BIRC6: variants seen among roughly 807,000 people sequenced by gnomAD.
BIRC6 encodes baculoviral IAP repeat containing 6, also known as dual E2 ubiquitin-conjugating enzyme/E3 ubiquitin-protein ligase BIRC6.
BIRC6 carries 98 observed loss-of-function variants against 503.3 expected under a neutral mutation model. The ratio of observed to expected loss-of-function variants is 0.19; its 90% confidence interval spans 0.17 to 0.23. BIRC6 has a LOEUF of 0.23. Among genes scored for constraint, BIRC6 ranks in the 10% least tolerant of loss-of-function variants. The probability of loss-of-function intolerance (pLI) is 1.00; values close to 1 mark genes in which losing one functional copy is unlikely to be tolerated. For synonymous variants in BIRC6, 2,240 were observed against 2,078.7 expected (o/e 1.08, Z -2.11); for missense variants, 5,360 against 5,806.0 (o/e 0.92, Z 2.50).
Position 32,515,559 on chromosome 2 carries a change from C to T in BIRC6, c.11138C>T (p.Thr3713Ile), listed in dbSNP as rs1331934736. The T allele has an allele frequency of 1.2e-6, 2 of 1,613,826 alleles. No individual in the cohort carries two copies. Among genetic ancestry groups the T allele is most frequent in the African/African-American group, 2.7e-5 (2 of 74,928 alleles). The change falls in exon 55 of 74, where the codon ACA (threonine) becomes ATA (isoleucine). Residue 3713 changes from threonine to isoleucine, a missense_variant. Thr to Ile is a moderately conservative substitution (Grantham distance 89). Coordinates refer to ENST00000421745, the MANE Select transcript of BIRC6 (RefSeq NM_016252.4). ...GGTTCTGAAGTCAATCCACTATGGACAGCACTTCTGTTTTTATTGTGTCAC... is the reference window on the plus strand; with the variant it reads ...GGTTCTGAAGTCAATCCACTATGGATAGCACTTCTGTTTTTATTGTGTCAC... ...LGGSEVNPLW[T>I]ALLFLLCHSG...
rs371276730 is a variant in BIRC6, at chr2:32,433,735, A to T, written c.3340A>T (p.Ile1114Phe). The T allele has an allele frequency of 6.2e-7, 1 of 1,603,426 alleles. No individual in the cohort carries two copies. Among genetic ancestry groups the T allele is most frequent in the Non-Finnish European group, 8.5e-7 (1 of 1,172,510 alleles). The change falls in exon 13 of 74, where the codon ATC (isoleucine) becomes TTC (phenylalanine). Residue 1114 changes from isoleucine to phenylalanine, a missense_variant. By Grantham distance (21) the Ile-to-Phe change is conservative (BLOSUM62 0). Around this residue, in one of 16 missense-constraint regions of BIRC6, gnomAD observed 2,299 missense variants for 2,267.2 expected, o/e 1.01. Transcript: ENST00000421745. The stretch of plus-strand genomic sequence containing the variant: ...CTTCAAATTCGTTTTGAACTCAAAC[A>T]TCACCAATATTCCACAGATACAAGT... Reference protein sequence around the residue: ...VDFKFVLNSNITNIPQIQVTL... With the variant: ...VDFKFVLNSNFTNIPQIQVTL...
chr2:32,457,476 G>A (rs1259831427), intron 23 of BIRC6, among the ~76,000 whole-genome samples: 2 of 151,582 alleles, frequency 1.3e-5, no homozygotes. Context: ...TTCTTGAACC[G>A]TTCTTTTAGT....
chr2:32,578,107 G>A (rs980021965), intron 66 of BIRC6, among the ~76,000 whole-genome samples: 2 of 152,100 alleles, frequency 1.3e-5, no homozygotes, highest in Admixed American at 6.6e-5. Context: ...TGCAGCCTCT[G>A]TTATAAGACG....
intron 3 of BIRC6, among the ~76,000 whole-genome samples, chr2:32,384,518 T>C (rs1443969530): frequency 6.6e-6 from 1 of 152,060 alleles, no homozygotes; most frequent in Non-Finnish European, 1.5e-5. Flanking sequence ...GGTAAATGCA[T>C]ACCTAGAATA....
At chr2:32,516,254 C>T (rs1247913258) in intron 55 of BIRC6, among the ~76,000 whole-genome samples, 2 of 152,134 alleles carry the variant, frequency 1.3e-5, no homozygotes. Context: ...TGGCTCATGC[C>T]TGTAATCCCA....
chr2:32,602,659 A>G (rs1314763579), intron 70 of BIRC6: 2 of 200,622 alleles, frequency 1.0e-5, no homozygotes, highest in African/African-American at 4.6e-5. Context: ...CACATTGTAT[A>G]CACATATTGA....
At chr2:32,492,681 A>G (rs955107143) in intron 44 of BIRC6, among the ~76,000 whole-genome samples, 2 of 152,126 alleles carry the variant, frequency 1.3e-5, no homozygotes, top group Non-Finnish European at 2.9e-5. Context: ...TTTTTGAATA[A>G]AAGAAAGGAG....
intron 65 of BIRC6, among the ~76,000 whole-genome samples, chr2:32,561,751 A>G (rs1314437489): frequency 1.2e-5 from 1 of 82,524 alleles, no homozygotes; most frequent in East Asian, 3.4e-4. Context: ...TTATTTATTT[A>G]TTTCTAGATT....
rs1182103617 is a variant in BIRC6, at chr2:32,397,673, TAC to T, written c.1034+2090_1034+2091del. Among the ~76,000 whole-genome samples, 288 of 132,974 alleles carry T rather than the reference TAC, an allele frequency of 2.2e-3. 1 individual carries two copies. Among genetic ancestry groups the T allele is most frequent in the African/African-American group, 7.0e-3 (252 of 36,184 alleles). The allele number at this position is 132,974 out of a possible 152,430, so 87.2% of individuals were successfully genotyped here. On this transcript the variant is annotated intron_variant, in intron 6 of 73. Transcript: ENST00000421745. ...ACACACATATATGTGTATATATATA[TAC>T]ACACACACATATATATGTACACACA... is the stretch of plus-strand genomic sequence containing the variant.
intron 1 of BIRC6, among the ~76,000 whole-genome samples, chr2:32,364,332 C>T (rs1332024706): frequency 2.0e-5 from 3 of 152,080 alleles, no homozygotes; most frequent in Non-Finnish European, 4.4e-5. Flanking sequence ...CTCTGCCTCC[C>T]GGGTTCAAGC....
At chr2:32,567,053 C>T (rs967481660) in intron 65 of BIRC6, among the ~76,000 whole-genome samples, 1 of 152,340 alleles carries the variant, frequency 6.6e-6, no homozygotes, top group Admixed American at 6.5e-5. Flanking sequence ...TCACTGCAAC[C>T]TCTGCCTCCA....
intron 63 of BIRC6, among the ~76,000 whole-genome samples, chr2:32,546,563 A>G (rs542634474): frequency 1.3e-5 from 2 of 152,214 alleles, no homozygotes; most frequent in East Asian, 3.9e-4. Context: ...CTGGGCGACA[A>G]GAGTGAAACT....
intron 69 of BIRC6, among the ~76,000 whole-genome samples, chr2:32,599,343 A>T (rs1573295284): frequency 6.9e-6 from 1 of 143,900 alleles, no homozygotes; most frequent in East Asian, 2.1e-4. Flanking sequence ...AAAAAAAAAA[A>T]GCTGTTCTTA....
At chr2:32,614,749 C>G (rs1013026983) in intron 73 of BIRC6, among the ~76,000 whole-genome samples, 4 of 152,100 alleles carry the variant, frequency 2.6e-5, no homozygotes. Flanking sequence ...GGAAAATCGC[C>G]TGAACCCGGG....
intron 1 of BIRC6, among the ~76,000 whole-genome samples, chr2:32,358,282 C>G (rs993039882): frequency 2.4e-4 from 36 of 152,182 alleles, no homozygotes; most frequent in African/African-American, 7.9e-4. Flanking sequence ...CCACAGCGAG[C>G]CGAAAATTAG....
intron 65 of BIRC6, among the ~76,000 whole-genome samples, chr2:32,573,922 C>A (rs2060084826): frequency 6.6e-6 from 1 of 151,996 alleles, no homozygotes; most frequent in Non-Finnish European, 1.5e-5. Context: ...TGTATTTAAT[C>A]ATTTCTATAT....
intron 1 of BIRC6, among the ~76,000 whole-genome samples, chr2:32,359,516 G>A (rs906138885): frequency 6.6e-6 from 1 of 152,132 alleles, no homozygotes; most frequent in African/African-American, 2.4e-5. Flanking sequence ...GCATTGATTT[G>A]GGATAACAGG....
At chr2:32,517,079 C>T (rs983409269) in intron 55 of BIRC6, among the ~76,000 whole-genome samples, 1 of 151,876 alleles carries the variant, frequency 6.6e-6, no homozygotes, top group Non-Finnish European at 1.5e-5. Flanking sequence ...ACCTATAATC[C>T]CAGCTCTTTG....
chr2:32,515,710 T>A lies in BIRC6; in HGVS notation c.11289T>A (p.Thr3763=). ...TQQRTAIENA[T]VAFFLQCISC... is the part of the protein sequence containing the mutation. ...AGCGCACAGCAATTGAGAATGCAAC[T>A]GTTGCGTTCTTTCTACAGTGCATTT... The change falls in exon 55 of 74, where the codon ACT becomes ACA. Residue 3763 remains threonine (T), a synonymous_variant. Transcript: ENST00000421745. The A allele has an allele frequency of 6.2e-7, 1 of 1,602,628 alleles. No individual in the cohort carries two copies.
Sources: gnomAD v4.1 joint callset for allele counts (sites outside exome capture counted in the v4.1 genomes callset) on GRCh38, gnomAD v4.1.1 for gene constraint, gnomAD v4.1.1 regional missense constraint, MANE v1.5 for transcripts, NCBI Gene and HGNC (gene_info 2026-07-23, HGNC 2026-07-21) for gene names.